The following CNTN5 variants were observed in gnomAD, a reference collection of about 807,000 sequenced individuals.
The protein encoded by CNTN5 is contactin 5, also known as contactin-5.
CNTN5 carries 77 observed loss-of-function variants against 129.1 expected under a neutral mutation model. The observed-to-expected ratio is 0.60, with a 90% CI of 0.50 to 0.72. The LOEUF is 0.72. Among genes scored for constraint, CNTN5 ranks in the 30% least tolerant of loss-of-function variants. CNTN5 has a pLI of 0.00. For missense variants in CNTN5, 1,478 were observed against 1,328.8 expected, an observed-to-expected ratio of 1.11 and a Z score of -1.75; for synonymous variants, 509 against 465.6, an observed-to-expected ratio of 1.09 and a Z score of -1.20.
intron 1 of CNTN5, among the ~76,000 whole-genome samples, chr11:99,208,495 T>C (rs1055149995): frequency 3.3e-5 from 5 of 152,158 alleles, no homozygotes; most frequent in African/African-American, 9.6e-5. Flanking sequence ...ATATACACTT[T>C]CTTACAAATC....
chr11:99,813,040 A>G (rs145845678), intron 3 of CNTN5, among the ~76,000 whole-genome samples: 2,944 of 151,946 alleles, frequency 0.019, 44 homozygotes, highest in Non-Finnish European at 0.03. Flanking sequence ...TCCTCCACCA[A>G]TACTCCCAGA....
At chr11:100,041,830 G>A (rs1291294467) in intron 9 of CNTN5, among the ~76,000 whole-genome samples, 1 of 152,110 alleles carries the variant, frequency 6.6e-6, no homozygotes, top group Non-Finnish European at 1.5e-5. Context: ...TAGATTCTTT[G>A]CCTAAGATAA....
intron 1 of CNTN5, among the ~76,000 whole-genome samples, chr11:99,032,036 G>A (rs1046656497): frequency 3.3e-5 from 5 of 151,096 alleles, no homozygotes; most frequent in South Asian, 4.2e-4. Flanking sequence ...TTGTTCTTGC[G>A]ATAGTTTACT....
chr11:99,617,249 G>T (rs886353748), intron 3 of CNTN5, among the ~76,000 whole-genome samples: 8 of 152,336 alleles, frequency 5.3e-5, no homozygotes, highest in African/African-American at 1.7e-4. Context: ...AGCATGATCA[G>T]TTCAGATCTG....
chr11:99,950,170 A>G (rs1230944709), intron 7 of CNTN5, among the ~76,000 whole-genome samples: 1 of 152,286 alleles, frequency 6.6e-6, no homozygotes, highest in East Asian at 1.9e-4. Context: ...ATTCTTCACA[A>G]CATCTTTAAA....
intron 2 of CNTN5, among the ~76,000 whole-genome samples, chr11:99,383,192 A>G (rs1303960128): frequency 6.6e-6 from 1 of 152,116 alleles, no homozygotes; most frequent in African/African-American, 2.4e-5. Flanking sequence ...TATTGTTATG[A>G]AAATGAAGTG....
intron 2 of CNTN5, among the ~76,000 whole-genome samples, chr11:99,547,046 C>T (rs1948319749): frequency 6.7e-6 from 1 of 150,132 alleles, no homozygotes; most frequent in Non-Finnish European, 1.5e-5. Flanking sequence ...CCTTGTTGTC[C>T]AGGCTGGAGT....
intron 7 of CNTN5, among the ~76,000 whole-genome samples, chr11:99,956,206 C>T (rs1001357785): frequency 3.3e-5 from 5 of 151,744 alleles, no homozygotes; most frequent in African/African-American, 9.7e-5. Flanking sequence ...TAAAAATGAA[C>T]CTCAAAAAGT....
chr11:99,040,135 G>T (rs895011367), intron 1 of CNTN5, among the ~76,000 whole-genome samples: 1 of 152,028 alleles, frequency 6.6e-6, no homozygotes, highest in African/African-American at 2.4e-5. Flanking sequence ...GTACCTCCAA[G>T]AAGAGGGAAA....
At chr11:100,150,286 G>T (rs1029309383) in intron 13 of CNTN5, among the ~76,000 whole-genome samples, 1 of 151,962 alleles carries the variant, frequency 6.6e-6, no homozygotes, top group Non-Finnish European at 1.5e-5. Flanking sequence ...AAGTGACGAG[G>T]CATTAGACAC....
intron 13 of CNTN5, among the ~76,000 whole-genome samples, chr11:100,159,727 A>C (rs533601235): frequency 3.3e-4 from 50 of 152,056 alleles, no homozygotes; most frequent in African/African-American, 1.2e-3. Context: ...AAAGATAACA[A>C]GGTGACAATA....
intron 1 of CNTN5, among the ~76,000 whole-genome samples, chr11:99,227,870 G>T (rs1200695004): frequency 6.6e-6 from 1 of 152,046 alleles, no homozygotes; most frequent in Non-Finnish European, 1.5e-5. Context: ...GATTTATGAT[G>T]TAGTTACACT....
rs544255800 is a variant in CNTN5, at chr11:99,831,555, C to G, written c.277+11790C>G. 2.0e-5 allele frequency among the ~76,000 whole-genome samples: 3 copies of G among 152,154 alleles called. No homozygotes were observed. In the East Asian group the frequency reaches 5.8e-4, roughly 29 times the overall value. ...GCATACTTTTCAGATGTAATGGTAT[C>G]ACCAAGATTCAGAAAGCTATAGCGG... On this transcript the variant is annotated intron_variant, in intron 4 of 24. Coordinates refer to ENST00000524871, the MANE Select transcript of CNTN5 (RefSeq NM_014361.4).
intron 3 of CNTN5, among the ~76,000 whole-genome samples, chr11:99,715,913 ATGT>A (rs570192417): frequency 1.3e-5 from 2 of 151,938 alleles, no homozygotes; most frequent in Non-Finnish European, 2.9e-5. Context: ...TATTATTTTT[ATGT>A]TGTTAGAAAT....
chr11:100,177,330 A>G (rs921391095), intron 13 of CNTN5, among the ~76,000 whole-genome samples: 4 of 151,980 alleles, frequency 2.6e-5, no homozygotes, highest in Non-Finnish European at 5.9e-5. Context: ...AGCTCCCTGT[A>G]TTTCCCCCTT....
At chr11:99,919,454 T>C (rs1949879411) in intron 7 of CNTN5, among the ~76,000 whole-genome samples, 1 of 152,164 alleles carries the variant, frequency 6.6e-6, no homozygotes, top group Non-Finnish European at 1.5e-5. Flanking sequence ...AGCTACTACA[T>C]GATTTTTGGT....
intron 2 of CNTN5, among the ~76,000 whole-genome samples, chr11:99,417,196 T>G (rs985840884): frequency 2.6e-5 from 4 of 152,194 alleles, no homozygotes; most frequent in African/African-American, 9.7e-5. Flanking sequence ...TTTATATCTT[T>G]CTATTATTTT....
chr11:100,234,052 G>A (rs1403348873), intron 16 of CNTN5, among the ~76,000 whole-genome samples: 5 of 152,072 alleles, frequency 3.3e-5, no homozygotes, highest in South Asian at 2.1e-4. Context: ...AAAGCTCATC[G>A]TCACTGGTCA....
At chr11:99,298,470 C>T (rs762537427) in intron 1 of CNTN5, among the ~76,000 whole-genome samples, 19 of 152,166 alleles carry the variant, frequency 1.2e-4, no homozygotes, top group Non-Finnish European at 2.4e-4. Flanking sequence ...CCACTGTTAA[C>T]AGGTGCATAC....
Sources: gnomAD v4.1 joint callset for allele counts (sites outside exome capture counted in the v4.1 genomes callset) on GRCh38, gnomAD v4.1.1 for gene constraint, MANE v1.5 for transcripts, NCBI Gene and HGNC (gene_info 2026-07-23, HGNC 2026-07-21) for gene names.